Variants in PCED1A observed in about 807,000 individuals in gnomAD.
PCED1A encodes PC-esterase domain containing 1A.
Under a neutral mutation model 41.9 loss-of-function variants are expected in PCED1A, and 20 were observed. The observed-to-expected ratio is 0.48, with a 90% CI of 0.34 to 0.69. PCED1A has a LOEUF of 0.69. Among genes scored for constraint, PCED1A ranks in the 30% least tolerant of loss-of-function variants. The probability of loss-of-function intolerance (pLI) is 0.01; values close to 1 mark genes in which losing one functional copy is unlikely to be tolerated. For missense variants in PCED1A, 498 were observed against 602.1 expected, an observed-to-expected ratio of 0.83 and a Z score of 1.81; for synonymous variants, 236 against 241.3, an observed-to-expected ratio of 0.98 and a Z score of 0.20.
In PCED1A at chr20:2,836,247, G is replaced by C; in HGVS notation, c.909C>G (p.Asp303Glu). The C allele has an allele frequency of 6.2e-7, 1 of 1,614,160 alleles. No homozygotes were observed. The highest frequency in any genetic ancestry group is 8.5e-7 in the Non-Finnish European group (1 of 1,180,024). Residue 303 changes from aspartate to glutamate, a missense_variant, in exon 7 of 8, where the codon GAC (aspartate) becomes GAG (glutamate). Physicochemically the swap from Asp to Glu is conservative, Grantham distance 45 (BLOSUM62 2). Coordinates refer to ENST00000360652, the MANE Select transcript of PCED1A (RefSeq NM_022760.6). ...PFQGSHRQTP[D>E]FGEHLALLPP... The stretch of plus-strand genomic sequence containing the variant: ...GGAGCAAGGCCAGGTGCTCCCCGAA[G>C]TCTGGGGTCTGCCTATGGCTTCCCT...
chr20:2,838,080 C>T lies in PCED1A; in HGVS notation c.841+152G>A. ...AATATTGCTCCGATGATCTAACCCT[C>T]CTCAGGGGTTGAGGAAGGTGCATGC... is the stretch of plus-strand genomic sequence containing the variant. On this transcript the variant is annotated intron_variant, in intron 6 of 7. Coordinates refer to ENST00000360652, the MANE Select transcript of PCED1A (RefSeq NM_022760.6). The surrounding 1 kb of genome is among the most constrained non-coding windows in gnomAD (Gnocchi z 5.8). 1 of 1,149,516 alleles carries T rather than the reference C, an allele frequency of 8.7e-7. No homozygotes were observed. The allele number at this position is 1,149,516 out of a possible 1,614,324, so 71.2% of individuals were successfully genotyped here.
chr20:2,839,990 C>G (rs1434226510), intron 1 of PCED1A, 57 bp from the exon 2 acceptor site: 1 of 1,513,858 alleles, frequency 6.6e-7, no homozygotes, highest in East Asian at 2.4e-5. Flanking sequence ...AGGTCAGCCT[C>G]AGGGCTAGCC....
chr20:2,839,088 C>T lies in PCED1A; in HGVS notation c.205-6G>A. 1.5e-6 allele frequency: 1 copy of T among 689,652 alleles called. No homozygotes were observed. The highest frequency in any genetic ancestry group is 1.4e-5 in the South Asian group (1 of 72,996). The allele number at this position is 689,652 out of a possible 1,614,324, so 42.7% of individuals were successfully genotyped here. A position where few individuals can be genotyped will look rare whatever the true frequency, so the allele number is the denominator to read the frequency against. ...TGTTCAAAGCTCAGCTCCCCCTACC[C>T]ACCCCCCCCACCCTACTGGTCAGAC... On this transcript the variant is annotated splice_region_variant and splice_polypyrimidine_tract_variant and intron_variant, in intron 3 of 7. Coordinates refer to ENST00000360652, the MANE Select transcript of PCED1A (RefSeq NM_022760.6).
At chr20:2,839,670 A>G in intron 2 of PCED1A, 119 bp downstream of exon 2, 2 of 1,416,986 alleles carry the variant, frequency 1.4e-6, no homozygotes, top group Middle Eastern at 3.7e-4. Flanking sequence ...GAGAAAACCT[A>G]CTGGACGGAA....
chr20:2,838,637 G>C lies in PCED1A; in HGVS notation c.553C>G (p.Pro185Ala), dbSNP rs777213218. Residue 185 changes from proline to alanine, a missense_variant, in exon 5 of 8, where the codon CCC (proline) becomes GCC (alanine). This residue lies in a region of PCED1A where 253 missense variants were observed against 369.7 expected (regional missense o/e 0.68). Transcript: ENST00000360652. The surrounding 1 kb of genome is among the most constrained non-coding windows in gnomAD (Gnocchi z 5.8). ...CCCCCAGTGATACGTTCCCCGAGGGGCATCGCCATGTTCCACACCAGCAGG... is the reference window on the plus strand; with the variant it reads ...CCCCCAGTGATACGTTCCCCGAGGGCCATCGCCATGTTCCACACCAGCAGG... ...SCLLVWNMAM[P>A]LGERITGGFL... is the part of the protein sequence containing the mutation. The C allele has an allele frequency of 1.2e-6, 2 of 1,614,206 alleles. No individual in the cohort carries two copies. The highest frequency in any genetic ancestry group is 1.1e-5 in the South Asian group (1 of 91,088).
At position 2,835,652 on chromosome 20, in the gene PCED1A, G is replaced by A; in HGVS notation, c.1175C>T (p.Pro392Leu). Residue 392 changes from proline (P) to leucine (L), a missense_variant, in exon 8 of 8, where the codon CCT becomes CTT. Transcript: ENST00000360652. ...PGPLPPPIPG[P>L]NPHGQHWGPV... ...GCCCCAGTGCTGACCATGGGGATTA[G>A]GGCCAGGGATTGGAGGTGGCAGAGG... 5 of 1,597,760 alleles carry A rather than the reference G, an allele frequency of 3.1e-6. No individual in the cohort carries two copies. The highest frequency in any genetic ancestry group is 4.3e-6 in the Non-Finnish European group (5 of 1,167,904).
At position 2,835,721 on chromosome 20, in the gene PCED1A, C is replaced by A. The variant is rs763254227; in HGVS notation, c.1118-12G>T. The A allele has an allele frequency of 1.3e-6, 2 of 1,535,974 alleles. No homozygotes were observed. The highest frequency in any genetic ancestry group is 8.8e-7 in the Non-Finnish European group (1 of 1,137,336). ...TCCAGGGCCACATCCTACAAAAGAA[C>A]CAGTCATTATAAGAGCAGGCTTCTG... On this transcript the variant is annotated splice_polypyrimidine_tract_variant and intron_variant, in intron 7 of 7. Transcript: ENST00000360652.
At position 2,836,436 on chromosome 20, in the gene PCED1A, C is replaced by T. The variant is rs189898265; in HGVS notation, c.842-122G>A. Reference sequence around the variant, plus strand: ...GAGCAGAGCCACCAGGCTGGAGCATCCTTGCCCTCTACCCAGTTTTCCTCA... The same window carrying T: ...GAGCAGAGCCACCAGGCTGGAGCATTCTTGCCCTCTACCCAGTTTTCCTCA... On this transcript the variant is annotated intron_variant, in intron 6 of 7. Coordinates refer to ENST00000360652, the MANE Select transcript of PCED1A (RefSeq NM_022760.6). 589 of 862,014 alleles carry T rather than the reference C, an allele frequency of 6.8e-4. 2 individuals carry two copies. Among genetic ancestry groups the T allele is most frequent in the Middle Eastern group, 3.5e-3 (10 of 2,862 alleles). 53.4% of individuals were successfully genotyped at this position (862,014 alleles called of 1,614,324 possible). A position where few individuals can be genotyped will look rare whatever the true frequency, so the allele number is the denominator to read the frequency against.
chr20:2,837,014 A>G (rs768341165), intron 6 of PCED1A, among the ~76,000 whole-genome samples: 27 of 152,160 alleles, frequency 1.8e-4, no homozygotes, highest in Admixed American at 3.9e-4. Flanking sequence ...CTGTATTTCC[A>G]AAGAACCTCA....
In PCED1A at chr20:2,835,419, C is replaced by T. The variant is rs758284291; in HGVS notation, c.*43G>A. The T allele has an allele frequency of 1.5e-5, 24 of 1,566,836 alleles. No homozygotes were observed. Among genetic ancestry groups the T allele is most frequent in the Middle Eastern group, 1.7e-4 (1 of 5,878 alleles). ...CAGTACCTGAGGTGCCAGGCAGGCC[C>T]TGAAGGGCCATTGGCACATCCAGTC... On this transcript the variant is annotated 3_prime_UTR_variant, in exon 8 of 8. Transcript: ENST00000360652.
rs1478451923 is a variant in PCED1A at position 2,838,745 on chromosome 20, A to G, written c.445T>C (p.Tyr149His). The G allele has an allele frequency of 6.2e-7, 1 of 1,614,158 alleles. No individual in the cohort carries two copies. The highest frequency in any genetic ancestry group is 8.5e-7 in the Non-Finnish European group (1 of 1,180,020). ...INSCLWDLSR[Y>H]GRCSMESYRE... ...TAGCTCTCCATTGAGCAGCGACCAT[A>G]TCTGTTGGATAACACACAGGGTGGG... Residue 149 changes from tyrosine to histidine, a missense_variant and splice_region_variant, in exon 5 of 8, where the codon TAT becomes CAT. This residue lies in a region of PCED1A where 253 missense variants were observed against 369.7 expected (regional missense o/e 0.68). Transcript: ENST00000360652. The surrounding 1 kb of genome is among the most constrained non-coding windows in gnomAD (Gnocchi z 5.8).
At chr20:2,840,900 G>A (rs2088961887), upstream of PCED1A, 8 of 1,438,740 alleles carry the variant, frequency 5.6e-6, no homozygotes, top group Non-Finnish European at 7.5e-6. Context: ...TCCCGGCGGC[G>A]TTCGCCCCTG....
At chr20:2,835,839 C>A in intron 7 of PCED1A, 130 bp from the exon 8 acceptor site, 2 of 1,473,494 alleles carry the variant, frequency 1.4e-6, no homozygotes, top group East Asian at 2.3e-5. Context: ...TAGTCCTTCC[C>A]CTACCTTCAG....
chr20:2,838,144 T>C lies in PCED1A; in HGVS notation c.841+88A>G. The C allele has an allele frequency of 6.3e-7, 1 of 1,588,740 alleles. No individual in the cohort carries two copies. The highest frequency in any genetic ancestry group is 8.6e-7 in the Non-Finnish European group (1 of 1,165,432). On this transcript the variant is annotated intron_variant, in intron 6 of 7. Coordinates refer to ENST00000360652, the MANE Select transcript of PCED1A (RefSeq NM_022760.6). The surrounding 1 kb of genome is among the most constrained non-coding windows in gnomAD (Gnocchi z 5.8). Reference sequence around the variant, plus strand: ...GTCCTTCAAGGGACCTCTACTTCCCTTGAGTGGCTGTGTCCCATTCTGTTT... The same window carrying C: ...GTCCTTCAAGGGACCTCTACTTCCCCTGAGTGGCTGTGTCCCATTCTGTTT...
At position 2,840,483 on chromosome 20, in the gene PCED1A, C is replaced by T. The variant is rs1225110205; in HGVS notation, c.-294G>A. 6 of 498,554 alleles carry T rather than the reference C, an allele frequency of 1.2e-5. No homozygotes were observed. The highest frequency in any genetic ancestry group is 6.2e-5 in the African/African-American group (3 of 48,224). The allele number at this position is 498,554 out of a possible 1,614,324, so 30.9% of individuals were successfully genotyped here. A position where few individuals can be genotyped will look rare whatever the true frequency, so the allele number is the denominator to read the frequency against. On this transcript the variant is annotated 5_prime_UTR_variant, in exon 1 of 8. Coordinates refer to ENST00000360652, the MANE Select transcript of PCED1A (RefSeq NM_022760.6). ...GCTGCGACGCTCACAGCTTCCACTT[C>T]CGTTCACCCATGTCCCGCCCTGAGC... is the stretch of plus-strand genomic sequence containing the variant.
In PCED1A at chr20:2,838,781, AG is replaced by A; in HGVS notation, c.444-36del. On this transcript the variant is annotated intron_variant, in intron 4 of 7. Coordinates refer to ENST00000360652, the MANE Select transcript of PCED1A (RefSeq NM_022760.6). This position sits in a 1 kb window ranked among gnomAD's most constrained non-coding sequence, Gnocchi z 5.8. ...AACACACAGGGTGGGCAAGAGCACA[AG>A]GGTGGACTGCCTCAGCCGTACTTCC... 6.2e-7 allele frequency: 1 copy of A among 1,614,164 alleles called. No homozygotes were observed. The highest frequency in any genetic ancestry group is 2.2e-5 in the East Asian group (1 of 44,868).
Position 2,835,426 on chromosome 20 carries a change from G to GC in PCED1A, c.*35dup. ...TGAGGTGCCAGGCAGGCCCTGAAGG[G>GC]CCATTGGCACATCCAGTCCCAGCCC... On this transcript the variant is annotated 3_prime_UTR_variant, in exon 8 of 8. Transcript: ENST00000360652. 6.3e-7 allele frequency: 1 copy of GC among 1,575,906 alleles called. No homozygotes were observed. Among genetic ancestry groups the GC allele is most frequent in the African/African-American group, 1.3e-5 (1 of 74,436 alleles).
Position 2,840,283 on chromosome 20 carries a change from G to A in PCED1A, c.-94C>T, listed in dbSNP as rs959908154. Reference sequence around the variant, plus strand: ...CGCACCGCGCGCCTGGCCCGCAGCGGGCTCCTAGCCAAGCCTCATGTTCCC... The same window carrying A: ...CGCACCGCGCGCCTGGCCCGCAGCGAGCTCCTAGCCAAGCCTCATGTTCCC... On this transcript the variant is annotated 5_prime_UTR_variant, in exon 1 of 8. Coordinates refer to ENST00000360652, the MANE Select transcript of PCED1A (RefSeq NM_022760.6). 2.4e-5 allele frequency: 6 copies of A among 245,192 alleles called. No homozygotes were observed. Among genetic ancestry groups the A allele is most frequent in the Non-Finnish European group, 3.9e-5 (5 of 128,146 alleles). 15.2% of individuals were successfully genotyped at this position (245,192 alleles called of 1,614,324 possible).
chr20:2,838,258 T>C lies in PCED1A; in HGVS notation c.815A>G (p.Glu272Gly), dbSNP rs1156425975. ...AGGGGGATAGCCACGCTTGGGCAGC[T>C]CCACGCCCCAGGCGTCAGCCACATG... ...LTHVADAWGV[E>G]LPKRGYPPDP... Residue 272 changes from glutamate to glycine, a missense_variant, in exon 6 of 8, where the codon GAG becomes GGG. Around this residue, in one of 2 missense-constraint regions of PCED1A, gnomAD observed 253 missense variants for 369.7 expected, o/e 0.68. Transcript: ENST00000360652. This position sits in a 1 kb window ranked among gnomAD's most constrained non-coding sequence, Gnocchi z 5.8. The C allele has an allele frequency of 6.2e-7, 1 of 1,614,166 alleles. No homozygotes were observed.
Sources: allele counts gnomAD v4.1 joint callset (sites outside exome capture counted in the v4.1 genomes callset), GRCh38; gene constraint gnomAD v4.1.1; regional missense constraint gnomAD v4.1.1; non-coding constraint Gnocchi (gnomAD v3.1); transcripts MANE v1.5; gene names NCBI Gene and HGNC (gene_info 2026-07-23, HGNC 2026-07-21).